Variants in FRMD4A observed in about 807,000 individuals in gnomAD.
FRMD4A encodes the protein FERM domain containing 4A.
Under a neutral mutation model 129.1 loss-of-function variants are expected in FRMD4A, and 29 were observed. The observed-to-expected ratio is 0.22, with a 90% CI of 0.17 to 0.31. FRMD4A has a LOEUF of 0.31. Ranked by LOEUF, FRMD4A falls within the 10% of genes least tolerant of loss-of-function variation. The probability of loss-of-function intolerance (pLI) is 1.00; values close to 1 mark genes in which losing one functional copy is unlikely to be tolerated. For synonymous variants in FRMD4A, 634 were observed against 571.6 expected, an observed-to-expected ratio of 1.11 and a Z score of -1.56; for missense variants, 1,272 against 1,375.8, an observed-to-expected ratio of 0.92 and a Z score of 1.19.
At chr10:14,115,768 C>T (rs953981205) in intron 2 of FRMD4A, among the ~76,000 whole-genome samples, 5 of 152,192 alleles carry the variant, frequency 3.3e-5, no homozygotes, top group Admixed American at 2.6e-4. Context: ...TGGAAGCTTC[C>T]TGAGGTCTGC....
At chr10:13,726,701 A>G (rs1254026551) in intron 12 of FRMD4A, among the ~76,000 whole-genome samples, 1 of 152,020 alleles carries the variant, frequency 6.6e-6, no homozygotes, top group Non-Finnish European at 1.5e-5. Context: ...TAGTGGTGTG[A>G]TCTTGGCTCA....
chr10:14,061,954 C>T (rs1262968802), intron 2 of FRMD4A, among the ~76,000 whole-genome samples: 1 of 152,178 alleles, frequency 6.6e-6, no homozygotes, highest in Non-Finnish European at 1.5e-5. Context: ...TACAAAATTT[C>T]TTTAATTGGA....
intron 2 of FRMD4A, among the ~76,000 whole-genome samples, chr10:13,918,424 CATTT>C (rs35115927): frequency 0.085 from 12,990 of 152,010 alleles, 648 homozygotes; most frequent in East Asian, 0.25. Context: ...TAGAGTGGTT[CATTT>C]ATTTATTTAT....
chr10:14,115,841 A>T (rs533302411), intron 2 of FRMD4A, among the ~76,000 whole-genome samples: 1 of 152,314 alleles, frequency 6.6e-6, no homozygotes, highest in East Asian at 1.9e-4. Context: ...CTCCTTTCTT[A>T]TAAATTACCC....
chr10:13,833,074 C>T lies in FRMD4A; in HGVS notation c.112-22166G>A, dbSNP rs140047276. Among the ~76,000 whole-genome samples the T allele has an allele frequency of 2.6e-3, 399 of 152,308 alleles. 10 individuals carry two copies. The highest frequency in any genetic ancestry group is 0.024 in the Admixed American group (371 of 15,294). On this transcript the variant is annotated intron_variant, in intron 3 of 24. Coordinates refer to ENST00000357447, the MANE Select transcript of FRMD4A (RefSeq NM_018027.5). ...GATTCAGAACAGTATTTATCGAGCA[C>T]CCACTCGTGCTGGGTAGGGTGATGG...
chr10:13,875,426 G>A (rs1238261785), intron 2 of FRMD4A, among the ~76,000 whole-genome samples: 2 of 152,158 alleles, frequency 1.3e-5, no homozygotes, highest in African/African-American at 4.8e-5. Flanking sequence ...ATTTGTAAAG[G>A]GACATAGCAG....
chr10:14,182,903 T>C (rs950443798), intron 2 of FRMD4A, among the ~76,000 whole-genome samples: 2 of 152,182 alleles, frequency 1.3e-5, no homozygotes, highest in Non-Finnish European at 2.9e-5. Flanking sequence ...TCATTTCACC[T>C]GGGATTGTTG....
intron 2 of FRMD4A, among the ~76,000 whole-genome samples, chr10:13,910,799 G>T (rs1297999295): frequency 6.8e-6 from 1 of 147,838 alleles, no homozygotes; most frequent in Non-Finnish European, 1.5e-5. Context: ...ATGACACACA[G>T]CTGCACTGGA....
rs150274225 is a variant in FRMD4A at position 14,063,228 on chromosome 10, T to A, written c.46-204316A>T. 2.8e-3 allele frequency among the ~76,000 whole-genome samples: 431 copies of A among 152,072 alleles called. 5 individuals carry two copies. Among genetic ancestry groups the A allele is most frequent in the African/African-American group, 9.9e-3 (410 of 41,482 alleles). Reference sequence around the variant, plus strand: ...CAGTATGTTGGTGCCCAGCTCAGACTCCCAGAAGTTATGTTTAGTGCGTGT... The same window carrying A: ...CAGTATGTTGGTGCCCAGCTCAGACACCCAGAAGTTATGTTTAGTGCGTGT... On this transcript the variant is annotated intron_variant, in intron 2 of 24. Transcript: ENST00000357447.
chr10:13,984,590 T>C (rs2095574371), intron 2 of FRMD4A, among the ~76,000 whole-genome samples: 1 of 152,192 alleles, frequency 6.6e-6, no homozygotes, highest in South Asian at 2.1e-4. Flanking sequence ...CCCTGTCGGT[T>C]TGACAATTCT....
At chr10:13,746,459 C>T (rs10906465) in intron 9 of FRMD4A, among the ~76,000 whole-genome samples, 49,054 of 151,758 alleles carry the variant, frequency 0.32, 8,825 homozygotes, top group African/African-American at 0.49. Context: ...GTGATCTGCC[C>T]GCCATGGCCT....
At chr10:14,153,165 A>T (rs1840427545) in intron 2 of FRMD4A, among the ~76,000 whole-genome samples, 1 of 152,224 alleles carries the variant, frequency 6.6e-6, no homozygotes, top group Non-Finnish European at 1.5e-5. Context: ...ATGAAGAGTG[A>T]CAAGATGGAA....
chr10:13,965,826 C>T (rs2095482057), intron 2 of FRMD4A, among the ~76,000 whole-genome samples: 1 of 152,110 alleles, frequency 6.6e-6, no homozygotes, highest in Non-Finnish European at 1.5e-5. Flanking sequence ...GTTATAAAAT[C>T]ATTATCTTGT....
chr10:14,270,084 A>G (rs1845111995), intron 2 of FRMD4A, among the ~76,000 whole-genome samples: 1 of 152,132 alleles, frequency 6.6e-6, no homozygotes, highest in South Asian at 2.1e-4. Flanking sequence ...CAGGAAGAAA[A>G]CCAGTGGCCC....
intron 12 of FRMD4A, 146 bp downstream of exon 12, chr10:13,737,696 TTG>T: frequency 1.7e-6 from 1 of 579,922 alleles, no homozygotes; most frequent in Non-Finnish European, 3.1e-6. Flanking sequence ...TCAGATGGGA[TTG>T]CTGTGGAGTA....
intron 4 of FRMD4A, among the ~76,000 whole-genome samples, chr10:13,802,846 A>G (rs921410301): frequency 6.6e-6 from 1 of 152,026 alleles, no homozygotes; most frequent in African/African-American, 2.4e-5. Flanking sequence ...AAGAATGTTG[A>G]TATATTTAGT....
chr10:14,149,052 G>A (rs1840219046), intron 2 of FRMD4A, among the ~76,000 whole-genome samples: 1 of 152,068 alleles, frequency 6.6e-6, no homozygotes, highest in Non-Finnish European at 1.5e-5. Flanking sequence ...TATTGATAAG[G>A]ATGTTTCTAG....
intron 3 of FRMD4A, among the ~76,000 whole-genome samples, chr10:13,841,254 T>C (rs2093960534): frequency 6.6e-6 from 1 of 152,258 alleles, no homozygotes; most frequent in Non-Finnish European, 1.5e-5. Context: ...CATTAGCTAC[T>C]ATTTTAAAAT....
At chr10:14,231,035 A>G (rs2131987793) in intron 2 of FRMD4A, among the ~76,000 whole-genome samples, 1 of 152,250 alleles carries the variant, frequency 6.6e-6, no homozygotes, top group South Asian at 2.1e-4. Context: ...GATGGGCACT[A>G]AGGTTGATTT....
Sources: allele counts gnomAD v4.1 joint callset (sites outside exome capture counted in the v4.1 genomes callset), GRCh38; gene constraint gnomAD v4.1.1; transcripts MANE v1.5; gene names NCBI Gene and HGNC (gene_info 2026-07-23, HGNC 2026-07-21).